The following NECAB1 variants were observed in gnomAD, a reference collection of about 807,000 sequenced individuals.
NECAB1 encodes N-terminal EF-hand calcium-binding protein 1.
A neutral mutation model predicts 57.5 loss-of-function variants in NECAB1; 29 were observed. The observed-to-expected ratio is 0.50, with a 90% CI of 0.38 to 0.69. The LOEUF is 0.69. Ranked by LOEUF, NECAB1 falls within the 30% of genes least tolerant of loss-of-function variation. The pLI is 0.00. For synonymous variants in NECAB1, 142 were observed against 147.7 expected (o/e 0.96, Z 0.28); for missense variants, 372 against 413.8 (o/e 0.90, Z 0.88).
intron 9 of NECAB1, among the ~76,000 whole-genome samples, chr8:90,939,918 T>G (rs1810627865): frequency 6.6e-6 from 1 of 152,226 alleles, no homozygotes; most frequent in Non-Finnish European, 1.5e-5. Flanking sequence ...TTTCTCATAT[T>G]CTAGATCATC....
At chr8:90,839,278 C>A (rs1446692213) in intron 3 of NECAB1, among the ~76,000 whole-genome samples, 5 of 152,166 alleles carry the variant, frequency 3.3e-5, no homozygotes, top group Admixed American at 6.5e-5. Flanking sequence ...GGAGAGAGGA[C>A]ACCGTTAAAT....
intron 6 of NECAB1, among the ~76,000 whole-genome samples, chr8:90,919,008 G>T (rs1265596514): frequency 1.3e-5 from 2 of 151,624 alleles, no homozygotes; most frequent in Non-Finnish European, 2.9e-5. Flanking sequence ...TCAGGAAATG[G>T]AGAAAAGTGA....
chr8:90,844,031 G>A (rs1368265427), intron 3 of NECAB1, among the ~76,000 whole-genome samples: 10 of 152,128 alleles, frequency 6.6e-5, no homozygotes, highest in Non-Finnish European at 1.3e-4. Flanking sequence ...CAGGTGGGTA[G>A]AAAAGGAAAA....
At position 90,911,146 on chromosome 8, in the gene NECAB1, A is replaced by G. The variant is rs965662327; in HGVS notation, c.358-6346A>G. ...CTCCTGTTACTATTTTGTGGTTTCT[A>G]CACAACTGTGATACAGAACAAGAAC... is the stretch of plus-strand genomic sequence containing the variant. On this transcript the variant is annotated intron_variant, in intron 5 of 12. Transcript: ENST00000417640. Among the ~76,000 whole-genome samples the G allele has an allele frequency of 3.3e-5, 5 of 152,266 alleles. No homozygotes were observed. The East Asian group carries it at 9.6e-4, about 29-fold the overall frequency.
intron 11 of NECAB1, among the ~76,000 whole-genome samples, chr8:90,950,330 C>T (rs1231408425): frequency 2.6e-5 from 4 of 152,024 alleles, no homozygotes; most frequent in Non-Finnish European, 5.9e-5. Flanking sequence ...AGCCCAATAC[C>T]TTCTAAATGT....
intron 1 of NECAB1, among the ~76,000 whole-genome samples, chr8:90,798,166 C>A (rs944083001): frequency 2.0e-5 from 3 of 152,204 alleles, no homozygotes; most frequent in Admixed American, 1.3e-4. Flanking sequence ...TGGTCTCTAT[C>A]CTCTATCTCT....
At chr8:90,908,852 T>C (rs1809757753) in intron 5 of NECAB1, among the ~76,000 whole-genome samples, 1 of 152,166 alleles carries the variant, frequency 6.6e-6, no homozygotes, top group South Asian at 2.1e-4. Context: ...CCTTGTGTTT[T>C]ATTATGGTTT....
At chr8:90,876,033 G>A (rs1184070542) in intron 4 of NECAB1, among the ~76,000 whole-genome samples, 3 of 151,826 alleles carry the variant, frequency 2.0e-5, no homozygotes, top group African/African-American at 2.4e-5. Context: ...AATAAATAAA[G>A]TAAAGTAAAA....
intron 1 of NECAB1, among the ~76,000 whole-genome samples, chr8:90,793,463 G>T (rs1811610162): frequency 6.6e-6 from 1 of 152,086 alleles, no homozygotes; most frequent in South Asian, 2.1e-4. Context: ...TCCTTCATGA[G>T]CATTTATCTC....
chr8:90,905,455 C>A (rs1809616786), intron 5 of NECAB1, among the ~76,000 whole-genome samples: 1 of 152,050 alleles, frequency 6.6e-6, no homozygotes, highest in Non-Finnish European at 1.5e-5. Context: ...GAAGAGCAAG[C>A]CTGCACAGTT....
At chr8:90,874,813 A>G (rs1030781787) in intron 4 of NECAB1, among the ~76,000 whole-genome samples, 3 of 152,182 alleles carry the variant, frequency 2.0e-5, no homozygotes, top group African/African-American at 7.2e-5. Context: ...AGTAATTCTG[A>G]ATTCTGAATG....
intron 3 of NECAB1, among the ~76,000 whole-genome samples, chr8:90,841,787 C>G (rs576215640): frequency 6.6e-6 from 1 of 152,272 alleles, no homozygotes; most frequent in Admixed American, 6.5e-5. Flanking sequence ...CTGAGAATTA[C>G]AGAAAAGCAA....
intron 2 of NECAB1, among the ~76,000 whole-genome samples, chr8:90,807,015 C>A (rs1811857907): frequency 6.6e-6 from 1 of 152,014 alleles, no homozygotes; most frequent in Non-Finnish European, 1.5e-5. Flanking sequence ...GTATATGCAC[C>A]TATGTCACCT....
chr8:90,811,203 G>C (rs528172563), intron 2 of NECAB1, among the ~76,000 whole-genome samples: 3 of 151,994 alleles, frequency 2.0e-5, no homozygotes, highest in Non-Finnish European at 4.4e-5. Context: ...CACCTGCCTC[G>C]GCCTCCCAAA....
intron 6 of NECAB1, among the ~76,000 whole-genome samples, chr8:90,917,877 TGTGTGCGTG>T (rs1810001354): frequency 8.1e-6 from 1 of 122,752 alleles, no homozygotes; most frequent in East Asian, 2.9e-4. Context: ...TATATGTGTG[TGTGTGCGTG>T]TATATATATG....
chr8:90,881,394 A>G (rs1808833840), intron 5 of NECAB1, among the ~76,000 whole-genome samples: 1 of 152,172 alleles, frequency 6.6e-6, no homozygotes, highest in Admixed American at 6.5e-5. Flanking sequence ...GTGTTAACTA[A>G]GTAGTATGTT....
chr8:90,822,910 T>C (rs920267449), intron 2 of NECAB1, among the ~76,000 whole-genome samples: 1 of 151,712 alleles, frequency 6.6e-6, no homozygotes, highest in Non-Finnish European at 1.5e-5. Context: ...TCTTTTTCGC[T>C]CTTTAACCTC....
chr8:90,879,273 C>T (rs1464608227), intron 4 of NECAB1, among the ~76,000 whole-genome samples: 7 of 149,040 alleles, frequency 4.7e-5, no homozygotes, highest in African/African-American at 1.5e-4. Flanking sequence ...ACTGCAGCCT[C>T]GACTTCCCAG....
At chr8:90,807,246 A>G (rs1811863398) in intron 2 of NECAB1, among the ~76,000 whole-genome samples, 1 of 152,228 alleles carries the variant, frequency 6.6e-6, no homozygotes, top group African/African-American at 2.4e-5. Context: ...TAGTTGATGT[A>G]GTATTTATGT....
Sources: gnomAD v4.1 joint callset for allele counts (sites outside exome capture counted in the v4.1 genomes callset) on GRCh38, gnomAD v4.1.1 for gene constraint, MANE v1.5 for transcripts, NCBI Gene and HGNC (gene_info 2026-07-23, HGNC 2026-07-21) for gene names.